Variants in CRPPA observed in about 807,000 individuals in gnomAD.
CRPPA encodes the protein CDP-L-ribitol pyrophosphorylase A, also known as D-ribitol-5-phosphate cytidylyltransferase.
Under a neutral mutation model 52.0 loss-of-function variants are expected in CRPPA, and 43 were observed. The observed-to-expected ratio is 0.83, with a 90% CI of 0.65 to 1.07. The LOEUF (loss-of-function observed/expected upper bound fraction) is 1.07, where lower values mean the gene tolerates loss of function less well. Among genes scored for constraint, CRPPA ranks in the 50% least tolerant of loss-of-function variants. The probability of loss-of-function intolerance (pLI) is 0.00; values close to 1 mark genes in which losing one functional copy is unlikely to be tolerated. For missense variants in CRPPA, 629 were observed against 551.7 expected (o/e 1.14, Z -1.40); for synonymous variants, 250 against 203.5 (o/e 1.23, Z -1.94).
rs904728524 is a variant in CRPPA at position 16,133,172 on chromosome 7, T to C, written c.1252-41373A>G. ...TCTACTAAAAATAAAAAAAAGTTAG[T>C]TGGGTATGGTGGTGCATTACTGTAG... On this transcript the variant is annotated intron_variant, in intron 9 of 9. Coordinates refer to ENST00000407010, the MANE Select transcript of CRPPA (RefSeq NM_001101426.4). Among the ~76,000 whole-genome samples, 35 of 121,058 alleles carry C rather than the reference T, an allele frequency of 2.9e-4. 5 individuals carry two copies. The highest frequency in any genetic ancestry group is 6.7e-4 in the African/African-American group (25 of 37,510). 79.4% of individuals were successfully genotyped at this position (121,058 alleles called of 152,430 possible).
At chr7:16,411,274 A>C (rs1583589348) in intron 1 of CRPPA, among the ~76,000 whole-genome samples, 2 of 152,180 alleles carry the variant, frequency 1.3e-5, no homozygotes, top group Non-Finnish European at 2.9e-5. Flanking sequence ...TAAGGGACCA[A>C]GCTGTGATCT....
chr7:16,278,082 A>G (rs944832098), intron 6 of CRPPA, 47 bp downstream of exon 6: 2 of 929,872 alleles, frequency 2.2e-6, no homozygotes, highest in East Asian at 2.5e-5. Context: ...ATACTATAAA[A>G]GTTTTTGGCA....
At chr7:16,386,416 A>G (rs979478726) in intron 2 of CRPPA, among the ~76,000 whole-genome samples, 1 of 152,188 alleles carries the variant, frequency 6.6e-6, no homozygotes, top group Non-Finnish European at 1.5e-5. Context: ...TGAAAACAGG[A>G]AAGTCTGTTC....
chr7:16,358,976 A>G (rs1786375475), intron 3 of CRPPA, among the ~76,000 whole-genome samples: 1 of 152,252 alleles, frequency 6.6e-6, no homozygotes, highest in African/African-American at 2.4e-5. Flanking sequence ...TGTTAAATCC[A>G]TAATGTCTAA....
intron 9 of CRPPA, among the ~76,000 whole-genome samples, chr7:16,149,412 C>A (rs1258142205): frequency 6.6e-6 from 1 of 152,094 alleles, no homozygotes; most frequent in Non-Finnish European, 1.5e-5. Context: ...TCTAGAAAAG[C>A]GTTCTAGAAA....
chr7:16,154,354 C>T (rs923614465), intron 9 of CRPPA, among the ~76,000 whole-genome samples: 2 of 152,008 alleles, frequency 1.3e-5, no homozygotes, highest in Non-Finnish European at 2.9e-5. Flanking sequence ...TCACCTCCAA[C>T]CCCCCAACAG....
intron 9 of CRPPA, among the ~76,000 whole-genome samples, chr7:16,172,315 G>C (rs1450134724): frequency 6.6e-6 from 1 of 152,138 alleles, no homozygotes; most frequent in East Asian, 1.9e-4. Context: ...TCAGCTGCTG[G>C]GGTGGGCTCC....
chr7:16,398,361 AG>A (rs1247957554), intron 2 of CRPPA, among the ~76,000 whole-genome samples: 1 of 144,372 alleles, frequency 6.9e-6, no homozygotes, highest in Non-Finnish European at 1.5e-5. Flanking sequence ...CATGTGACAG[AG>A]GCAAGACCAG....
intron 7 of CRPPA, among the ~76,000 whole-genome samples, 190 bp downstream of exon 7, chr7:16,258,730 C>T (rs757974709): frequency 2.6e-5 from 4 of 151,850 alleles, no homozygotes; most frequent in African/African-American, 4.8e-5. Context: ...AAAATATTGT[C>T]CAAAATACCA....
rs1435630375 is a variant in CRPPA, at chr7:16,221,996, C to T, written c.1120-5799G>A. ...TTGCTGCTATAAAGACACATGCACACGTATGTTTATTGTGGCATTATTCAC... is the reference window on the plus strand; with the variant it reads ...TTGCTGCTATAAAGACACATGCACATGTATGTTTATTGTGGCATTATTCAC... On this transcript the variant is annotated intron_variant, in intron 8 of 9. Transcript: ENST00000407010. 7.2e-5 allele frequency among the ~76,000 whole-genome samples: 11 copies of T among 151,746 alleles called. No homozygotes were observed. The East Asian group carries it at 9.7e-4, about 13-fold the overall frequency.
intron 3 of CRPPA, among the ~76,000 whole-genome samples, chr7:16,321,032 C>T (rs1785254338): frequency 6.6e-6 from 1 of 152,016 alleles, no homozygotes; most frequent in Non-Finnish European, 1.5e-5. Flanking sequence ...TTTTCAAATG[C>T]CTATCAGTGG....
At chr7:16,179,264 C>T (rs1781364686) in intron 9 of CRPPA, among the ~76,000 whole-genome samples, 3 of 152,026 alleles carry the variant, frequency 2.0e-5, no homozygotes, top group Admixed American at 2.0e-4. Flanking sequence ...TAAAATGCTG[C>T]ATTTTTAAAA....
intron 9 of CRPPA, among the ~76,000 whole-genome samples, chr7:16,196,267 C>CCCG (rs1310276115): frequency 2.0e-5 from 3 of 152,046 alleles, no homozygotes; most frequent in African/African-American, 7.2e-5. Flanking sequence ...AGTTTCTGGG[C>CCCG]CCGGGTTCCT....
chr7:16,324,043 G>C (rs1039765732), intron 3 of CRPPA, among the ~76,000 whole-genome samples: 1 of 152,160 alleles, frequency 6.6e-6, no homozygotes, highest in African/African-American at 2.4e-5. Context: ...CCATGCACTG[G>C]CGACGTTCTA....
At chr7:16,244,727 T>C (rs373000104) in intron 8 of CRPPA, among the ~76,000 whole-genome samples, 1 of 152,128 alleles carries the variant, frequency 6.6e-6, no homozygotes, top group South Asian at 2.1e-4. Flanking sequence ...AAATGTCTAA[T>C]AGCCACAATT....
At chr7:16,114,165 T>G (rs2128367843) in intron 9 of CRPPA, among the ~76,000 whole-genome samples, 1 of 151,846 alleles carries the variant, frequency 6.6e-6, no homozygotes, top group East Asian at 1.9e-4. Flanking sequence ...AAATAGGATG[T>G]GAAACTTCTA....
intron 9 of CRPPA, among the ~76,000 whole-genome samples, chr7:16,112,267 A>G (rs1181612730): frequency 6.6e-6 from 1 of 152,090 alleles, no homozygotes; most frequent in African/African-American, 2.4e-5. Flanking sequence ...GTAAGCCGAG[A>G]TTGTGCCACT....
intron 3 of CRPPA, among the ~76,000 whole-genome samples, chr7:16,362,243 C>CTTA (rs1786471731): frequency 6.6e-6 from 1 of 152,222 alleles, no homozygotes; most frequent in Non-Finnish European, 1.5e-5. Context: ...ACCAACAATA[C>CTTA]TTATTCTCAC....
chr7:16,263,615 T>A (rs966648970), intron 6 of CRPPA, among the ~76,000 whole-genome samples: 14 of 152,134 alleles, frequency 9.2e-5, no homozygotes, highest in Admixed American at 2.0e-4. Flanking sequence ...TAGCTGGGCA[T>A]GGTGGTGGAC....
Sources: gnomAD v4.1 joint callset for allele counts (sites outside exome capture counted in the v4.1 genomes callset) on GRCh38, gnomAD v4.1.1 for gene constraint, MANE v1.5 for transcripts, NCBI Gene and HGNC (gene_info 2026-07-23, HGNC 2026-07-21) for gene names.